SMTNL1: variants seen among roughly 807,000 people sequenced by gnomAD.
The protein encoded by SMTNL1 is smoothelin like 1.
Under a neutral mutation model 46.6 loss-of-function variants are expected in SMTNL1, and 41 were observed. The observed-to-expected ratio is 0.88, with a 90% CI of 0.69 to 1.14. The LOEUF is 1.14. Ranked by LOEUF, SMTNL1 falls within the 50% of genes most tolerant of loss-of-function variation. SMTNL1 has a pLI of 0.00. For missense variants in SMTNL1, 591 were observed against 626.1 expected, an observed-to-expected ratio of 0.94 and a Z score of 0.60; for synonymous variants, 234 against 234.2, an observed-to-expected ratio of 1.00 and a Z score of 0.01.
chr11:57,546,248 C>A lies in SMTNL1; in HGVS notation c.1089C>A (p.Pro363=). ...VDKFGGAASG[P]TALFRNTKAA... is the part of the protein sequence containing the mutation. ...CCCCTCACAGGGCAGCTTCCGGCCC[C>A]ACGGCCTTGTTCCGCAACACTAAGG... Residue 363 remains proline, a synonymous_variant, in exon 6 of 8, where the codon CCC becomes CCA. Transcript: ENST00000527972. 6.2e-7 allele frequency: 1 copy of A among 1,604,176 alleles called. No individual in the cohort carries two copies. Among genetic ancestry groups the A allele is most frequent in the Non-Finnish European group, 8.5e-7 (1 of 1,175,498 alleles).
rs1258841503 is a variant in SMTNL1, at chr11:57,546,577, C to T, written c.1265C>T (p.Pro422Leu). 1 of 1,614,166 alleles carries T rather than the reference C, an allele frequency of 6.2e-7. No individual in the cohort carries two copies. Among genetic ancestry groups the T allele is most frequent in the Admixed American group, 1.7e-5 (1 of 60,024 alleles). ...AFCALIHKFF[P>L]DAFDYAELDP... ...TGTGCCCTCATCCACAAGTTCTTCC[C>T]TGACGCCTTTGACTACGCAGAGCTG... The change falls in exon 7 of 8, where the codon CCT becomes CTT. Residue 422 changes from proline (P) to leucine (L), a missense_variant. Transcript: ENST00000527972.
rs1195430067 is a variant in SMTNL1 at position 57,543,306 on chromosome 11, G to A, written c.664G>A (p.Glu222Lys). The change falls in exon 2 of 8, where the codon GAG becomes AAG. Residue 222 changes from glutamate (E) to lysine (K), a missense_variant. Physicochemically the swap from Glu to Lys is moderately conservative, Grantham distance 56. Transcript: ENST00000527972. The part of the protein sequence containing the change: ...KAEPKEPDGK[E>K]EAKHGAKEEA... ...TGAACCCAAGGAGCCCGATGGGAAA[G>A]AGGAGGCCAAACATGGTGCAAAAGA... 1 of 1,614,004 alleles carries A rather than the reference G, an allele frequency of 6.2e-7. No homozygotes were observed. The highest frequency in any genetic ancestry group is 8.5e-7 in the Non-Finnish European group (1 of 1,179,890).
intron 1 of SMTNL1, among the ~76,000 whole-genome samples, chr11:57,538,232 A>T (rs181538957): frequency 1.7e-3 from 252 of 152,234 alleles, no homozygotes; most frequent in Non-Finnish European, 3.0e-3. Flanking sequence ...AAGCCTTAGG[A>T]CAACCAGATG....
At chr11:57,544,306 G>C (rs573958693) in intron 4 of SMTNL1, among the ~76,000 whole-genome samples, 3 of 152,334 alleles carry the variant, frequency 2.0e-5, no homozygotes, top group African/African-American at 7.2e-5. Context: ...CTTGAACCCA[G>C]GAGGTGGAGG....
chr11:57,545,815 C>T (rs1371195314), intron 4 of SMTNL1, 66 bp from the exon 5 acceptor site: 23 of 1,482,582 alleles, frequency 1.6e-5, no homozygotes, highest in African/African-American at 2.8e-5. Context: ...GCCCCACAGC[C>T]CCCTCCCTGT....
rs566430744 is a variant in SMTNL1 at position 57,543,869 on chromosome 11, A to G, written c.866A>G (p.Asp289Gly). The G allele has an allele frequency of 6.3e-7, 1 of 1,592,300 alleles. No homozygotes were observed. Among genetic ancestry groups the G allele is most frequent in the Non-Finnish European group, 8.6e-7 (1 of 1,169,326 alleles). Residue 289 changes from aspartate (D) to glycine (G), a missense_variant and splice_region_variant, in exon 4 of 8, where the codon GAT becomes GGT. Asp to Gly is a moderately conservative substitution (Grantham distance 94). Transcript: ENST00000527972. ...CCTCCCTCCTTTCACTTTCCTCCAGATGGGCTGGGTCCAGACTGTGTAGCT... is the reference window on the plus strand; with the variant it reads ...CCTCCCTCCTTTCACTTTCCTCCAGGTGGGCTGGGTCCAGACTGTGTAGCT... ...PTGEGHNLST[D>G]GLGPDCVASG...
At position 57,546,672 on chromosome 11, in the gene SMTNL1, T is replaced by G; in HGVS notation, c.1340+20T>G. On this transcript the variant is annotated intron_variant, in intron 7 of 7. Coordinates refer to ENST00000527972, the MANE Select transcript of SMTNL1 (RefSeq NM_001105565.3). ...AGCAGAGTAAGCCACAGCCATGGGC[T>G]GGCAGAGCTGGATGGGAGCCTAGGC... 1 of 1,609,182 alleles carries G rather than the reference T, an allele frequency of 6.2e-7. No homozygotes were observed. The highest frequency in any genetic ancestry group is 8.5e-7 in the Non-Finnish European group (1 of 1,177,780).
rs1944946620 is a variant in SMTNL1 at position 57,550,059 on chromosome 11, G to A, written c.1432G>A (p.Glu478Lys). The change falls in exon 8 of 8, where the codon GAA becomes AAA. Residue 478 changes from glutamate to lysine, a missense_variant. Coordinates refer to ENST00000527972, the MANE Select transcript of SMTNL1 (RefSeq NM_001105565.3). ...CAAGTGCGTCTACACATACATCCAG[G>A]AACTGTACCGCAGCCTTGTGCAGAA... is the stretch of plus-strand genomic sequence containing the variant. ...DSKCVYTYIQELYRSLVQKGL... is the reference protein window; with the variant it reads ...DSKCVYTYIQKLYRSLVQKGL... 1.2e-6 allele frequency: 2 copies of A among 1,613,914 alleles called. No homozygotes were observed. Among genetic ancestry groups the A allele is most frequent in the African/African-American group, 2.7e-5 (2 of 75,034 alleles).
intron 1 of SMTNL1, among the ~76,000 whole-genome samples, chr11:57,540,255 TTTTG>T (rs1944862386): frequency 6.6e-6 from 1 of 152,220 alleles, no homozygotes; most frequent in African/African-American, 2.4e-5. Context: ...TTTTGTTTTG[TTTTG>T]TTTAATTTTA....
chr11:57,546,662 A>G lies in SMTNL1; in HGVS notation c.1340+10A>G. On this transcript the variant is annotated intron_variant, in intron 7 of 7. Coordinates refer to ENST00000527972, the MANE Select transcript of SMTNL1 (RefSeq NM_001105565.3). Reference sequence around the variant, plus strand: ...CCTTCTCCACAGCAGAGTAAGCCACAGCCATGGGCTGGCAGAGCTGGATGG... The same window carrying G: ...CCTTCTCCACAGCAGAGTAAGCCACGGCCATGGGCTGGCAGAGCTGGATGG... 1 of 1,611,818 alleles carries G rather than the reference A, an allele frequency of 6.2e-7. No homozygotes were observed. The highest frequency in any genetic ancestry group is 1.7e-5 in the Admixed American group (1 of 59,672).
At position 57,543,621 on chromosome 11, in the gene SMTNL1, C is replaced by T; in HGVS notation, c.733-3C>T. 6.2e-7 allele frequency: 1 copy of T among 1,606,974 alleles called. No homozygotes were observed. Among genetic ancestry groups the T allele is most frequent in the Non-Finnish European group, 8.5e-7 (1 of 1,177,190 alleles). On this transcript the variant is annotated splice_region_variant and splice_polypyrimidine_tract_variant and intron_variant, in intron 2 of 7. Coordinates refer to ENST00000527972, the MANE Select transcript of SMTNL1 (RefSeq NM_001105565.3). ...GAGCTCACGCAGATCATGCTCATTC[C>T]AGGAGCCAGGCAGTCCCAGCGAAGA...
chr11:57,545,605 C>CA (rs67336706), intron 4 of SMTNL1, among the ~76,000 whole-genome samples: 64,161 of 140,508 alleles, frequency 0.46, 14,527 homozygotes, highest in East Asian at 0.73. Context: ...AGCTCTGTCT[C>CA]AAAAAAAAAA....
At chr11:57,549,898 G>C (rs1419631499) in intron 7 of SMTNL1, 70 bp from the exon 8 acceptor site, 10 of 1,564,234 alleles carry the variant, frequency 6.4e-6, no homozygotes, top group Non-Finnish European at 8.7e-6. Flanking sequence ...TGGGCTGCCT[G>C]CACCCATCCC....
In SMTNL1 at chr11:57,543,269, T is replaced by C. The variant is rs1210364069; in HGVS notation, c.627T>C (p.Asp209=). The C allele has an allele frequency of 6.2e-7, 1 of 1,613,564 alleles. No individual in the cohort carries two copies. Among genetic ancestry groups the C allele is most frequent in the Non-Finnish European group, 8.5e-7 (1 of 1,179,842 alleles). ...AATCGCAGAAGGCTGTTGTGGAGGATGAGGCTAAGGCTGAACCCAAGGAGC... is the reference window on the plus strand; with the variant it reads ...AATCGCAGAAGGCTGTTGTGGAGGACGAGGCTAAGGCTGAACCCAAGGAGC... ...KAESQKAVVE[D]EAKAEPKEPD... is the part of the protein sequence containing the mutation. The change falls in exon 2 of 8, where the codon GAT becomes GAC. Residue 209 remains aspartate, a synonymous_variant. Transcript: ENST00000527972.
chr11:57,542,965 C>T lies in SMTNL1; in HGVS notation c.323C>T (p.Ser108Phe). ...GAGAAGGAAGAGACCACTGTGGGTT[C>T]TCAGGAGATGACTGGCAGGAAAGAA... ...DGEKEETTVG[S>F]QEMTGRKEET... The change falls in exon 2 of 8, where the codon TCT (serine) becomes TTT (phenylalanine). Residue 108 changes from serine to phenylalanine, a missense_variant. Coordinates refer to ENST00000527972, the MANE Select transcript of SMTNL1 (RefSeq NM_001105565.3). 6.2e-7 allele frequency: 1 copy of T among 1,602,274 alleles called. No homozygotes were observed. The highest frequency in any genetic ancestry group is 8.5e-7 in the Non-Finnish European group (1 of 1,174,394).
intron 1 of SMTNL1, among the ~76,000 whole-genome samples, chr11:57,542,048 G>A (rs1944881083): frequency 6.6e-6 from 1 of 151,524 alleles, no homozygotes; most frequent in African/African-American, 2.4e-5. Context: ...CAGGTGGATT[G>A]CTTGAGCTCA....
chr11:57,550,067 C>T lies in SMTNL1; in HGVS notation c.1440C>T (p.Tyr480=), dbSNP rs776339514. 19 of 1,613,828 alleles carry T rather than the reference C, an allele frequency of 1.2e-5. No homozygotes were observed. The highest frequency in any genetic ancestry group is 9.3e-6 in the Non-Finnish European group (11 of 1,179,824). Residue 480 remains tyrosine (Y), a synonymous_variant, in exon 8 of 8, where the codon TAC becomes TAT. Transcript: ENST00000527972. ...KCVYTYIQEL[Y]RSLVQKGLVK... ...TCTACACATACATCCAGGAACTGTA[C>T]CGCAGCCTTGTGCAGAAAGGACTGG...
chr11:57,550,172 C>G lies in SMTNL1; in HGVS notation c.*60C>G. The G allele has an allele frequency of 6.5e-7, 1 of 1,537,162 alleles. No homozygotes were observed. Among genetic ancestry groups the G allele is most frequent in the African/African-American group, 1.4e-5 (1 of 73,272 alleles). ...GGTGCCCAGCTCAGCAGCCACGGCCCGGGGGTTCCCTTCTGCTCCATGGAG... is the reference window on the plus strand; with the variant it reads ...GGTGCCCAGCTCAGCAGCCACGGCCGGGGGGTTCCCTTCTGCTCCATGGAG... On this transcript the variant is annotated 3_prime_UTR_variant, in exon 8 of 8. Coordinates refer to ENST00000527972, the MANE Select transcript of SMTNL1 (RefSeq NM_001105565.3).
At chr11:57,537,905 G>C (rs1944841560) in intron 1 of SMTNL1, among the ~76,000 whole-genome samples, 1 of 152,184 alleles carries the variant, frequency 6.6e-6, no homozygotes, top group Non-Finnish European at 1.5e-5. Context: ...AGTCTCAAGA[G>C]TCAAACTGGG....
Sources: allele counts gnomAD v4.1 joint callset (sites outside exome capture counted in the v4.1 genomes callset), GRCh38; gene constraint gnomAD v4.1.1; transcripts MANE v1.5; gene names NCBI Gene and HGNC (gene_info 2026-07-23, HGNC 2026-07-21).